Variants in MAP3K4 observed in about 807,000 individuals in gnomAD.
The protein encoded by MAP3K4 is mitogen-activated protein kinase kinase kinase 4.
In MAP3K4, 67 loss-of-function variants were observed where a neutral mutation model predicts 185.6. That is an observed-to-expected ratio of 0.36 (90% CI 0.30 to 0.44). The LOEUF (loss-of-function observed/expected upper bound fraction) is 0.44, where lower values mean the gene tolerates loss of function less well. Among genes scored for constraint, MAP3K4 ranks in the 20% least tolerant of loss-of-function variants. MAP3K4 has a pLI of 1.00. For missense variants in MAP3K4, 1,551 were observed against 1,995.1 expected, an observed-to-expected ratio of 0.78 and a Z score of 4.24; for synonymous variants, 702 against 710.4, an observed-to-expected ratio of 0.99 and a Z score of 0.19.
chr6:161,102,554 T>G (rs1777882481), intron 18 of MAP3K4, 145 bp from the exon 19 acceptor site: 2 of 557,530 alleles, frequency 3.6e-6, no homozygotes, highest in South Asian at 5.8e-5. Context: ...AAAGATAGTT[T>G]CTCACACCTA....
chr6:161,006,159 T>C (rs1005681662), intron 1 of MAP3K4, among the ~76,000 whole-genome samples: 8 of 152,222 alleles, frequency 5.3e-5, no homozygotes, highest in African/African-American at 1.9e-4. Flanking sequence ...TTGTGTGAAT[T>C]TGAATTCTGA....
chr6:161,089,981 C>T (rs773971527), intron 11 of MAP3K4, among the ~76,000 whole-genome samples: 1 of 152,138 alleles, frequency 6.6e-6, no homozygotes, highest in South Asian at 2.1e-4. Context: ...CCATTATTTC[C>T]TGTTTTTGAC....
At position 161,086,349 on chromosome 6, in the gene MAP3K4, G is replaced by A. The variant is rs753623186; in HGVS notation, c.2373-30G>A. ...GCACCTCTGGAATATTCCCTAATGT[G>A]TTCTAACTGGACTTGAATCCACTTG... On this transcript the variant is annotated intron_variant, in intron 7 of 26. Transcript: ENST00000392142. The surrounding 1 kb of genome is among the most constrained non-coding windows in gnomAD (Gnocchi z 4.8). The A allele has an allele frequency of 1.5e-6, 2 of 1,356,776 alleles. No homozygotes were observed. Among genetic ancestry groups the A allele is most frequent in the South Asian group, 1.2e-5 (1 of 82,832 alleles). 84.0% of individuals were successfully genotyped at this position (1,356,776 alleles called of 1,614,324 possible).
In MAP3K4 at chr6:161,048,980, C is replaced by T. The variant is rs1783876444; in HGVS notation, c.708C>T (p.Thr236=). The T allele has an allele frequency of 1.2e-6, 2 of 1,613,958 alleles. No individual in the cohort carries two copies. Among genetic ancestry groups the T allele is most frequent in the South Asian group, 1.1e-5 (1 of 91,076 alleles). The part of the protein sequence containing the change: ...FETLRLLLKL[T]SVSKKKDREQ... ...CTTTACGACTTTTGCTAAAGCTTACCTCAGTCTCAAAGAAAAAAGACAGGG... is the reference window on the plus strand; with the variant it reads ...CTTTACGACTTTTGCTAAAGCTTACTTCAGTCTCAAAGAAAAAAGACAGGG... The change falls in exon 3 of 27, where the codon ACC becomes ACT. Residue 236 remains threonine, a synonymous_variant. Transcript: ENST00000392142. This position sits in a 1 kb window ranked among gnomAD's most constrained non-coding sequence, Gnocchi z 4.7.
intron 1 of MAP3K4, among the ~76,000 whole-genome samples, chr6:161,023,303 A>G (rs983530700): frequency 6.6e-6 from 1 of 152,256 alleles, no homozygotes; most frequent in African/African-American, 2.4e-5. Context: ...ATAGAAAATA[A>G]TTGTAACAAT....
chr6:161,061,100 G>A lies in MAP3K4; in HGVS notation c.1708-9508G>A, dbSNP rs1327046442. Among the ~76,000 whole-genome samples, 1 of 152,156 alleles carries A rather than the reference G, an allele frequency of 6.6e-6. No homozygotes were observed. Among genetic ancestry groups the A allele is most frequent in the Non-Finnish European group, 1.5e-5 (1 of 68,034 alleles). On this transcript the variant is annotated intron_variant, in intron 3 of 26. Coordinates refer to ENST00000392142, the MANE Select transcript of MAP3K4 (RefSeq NM_005922.4). This position sits in a 1 kb window ranked among gnomAD's most constrained non-coding sequence, Gnocchi z 4.2. Reference sequence around the variant, plus strand: ...ACAAAATGCATCACATGTCCTTTCTGATAGTTCTGATTCAAATTCAGGATT... The same window carrying A: ...ACAAAATGCATCACATGTCCTTTCTAATAGTTCTGATTCAAATTCAGGATT...
intron 1 of MAP3K4, among the ~76,000 whole-genome samples, chr6:161,003,433 T>G (rs570335169): frequency 6.6e-6 from 1 of 152,350 alleles, no homozygotes; most frequent in African/African-American, 2.4e-5. Flanking sequence ...CCACTTGATC[T>G]TTAGTTAGCA....
intron 1 of MAP3K4, among the ~76,000 whole-genome samples, chr6:160,992,875 G>A (rs986727397): frequency 2.7e-5 from 4 of 150,864 alleles, no homozygotes; most frequent in African/African-American, 9.8e-5. Flanking sequence ...CTCTTTTTAC[G>A]TGCCTATGTT....
At chr6:161,085,147 A>C (rs1481602732) in intron 7 of MAP3K4, among the ~76,000 whole-genome samples, 1 of 4,976 alleles carries the variant, frequency 2.0e-4, no homozygotes, top group Non-Finnish European at 4.5e-4. Context: ...CTCCGTCTCA[A>C]AAAAAAAAAA....
At chr6:161,068,950 G>A (rs374120144) in intron 3 of MAP3K4, among the ~76,000 whole-genome samples, 49 of 152,356 alleles carry the variant, frequency 3.2e-4, no homozygotes, top group African/African-American at 1.1e-3. Context: ...GGGGGTTTAT[G>A]CAAACCTGAC....
rs1778563031 is a variant in MAP3K4, at chr6:161,115,744, A to G, written c.4806+442A>G. On this transcript the variant is annotated intron_variant, in intron 26 of 26. Transcript: ENST00000392142. The surrounding 1 kb of genome is among the most constrained non-coding windows in gnomAD (Gnocchi z 6.0). ...GAGGTACCTTAGTTGTTTAAGAGCCACAGCCAGGTCAGAAGTGGGGGAGGG... is the reference window on the plus strand; with the variant it reads ...GAGGTACCTTAGTTGTTTAAGAGCCGCAGCCAGGTCAGAAGTGGGGGAGGG... Among the ~76,000 whole-genome samples, 1 of 152,180 alleles carries G rather than the reference A, an allele frequency of 6.6e-6. No individual in the cohort carries two copies. Among genetic ancestry groups the G allele is most frequent in the Non-Finnish European group, 1.5e-5 (1 of 68,040 alleles).
chr6:161,100,334 G>A lies in MAP3K4; in HGVS notation c.3675-1558G>A, dbSNP rs1409214819. Reference sequence around the variant, plus strand: ...GTGTGCATCCCTGCCACAGCCATGGGGTGTAGCCCTTGCCCGTCTTACAGA... The same window carrying A: ...GTGTGCATCCCTGCCACAGCCATGGAGTGTAGCCCTTGCCCGTCTTACAGA... On this transcript the variant is annotated intron_variant, in intron 17 of 26. Coordinates refer to ENST00000392142, the MANE Select transcript of MAP3K4 (RefSeq NM_005922.4). This position sits in a 1 kb window ranked among gnomAD's most constrained non-coding sequence, Gnocchi z 5.8. Among the ~76,000 whole-genome samples the A allele has an allele frequency of 6.6e-6, 1 of 152,186 alleles. No individual in the cohort carries two copies. The highest frequency in any genetic ancestry group is 1.5e-5 in the Non-Finnish European group (1 of 68,038).
intron 2 of MAP3K4, among the ~76,000 whole-genome samples, chr6:161,047,298 G>A (rs1445071809): frequency 1.3e-5 from 2 of 151,132 alleles, no homozygotes; most frequent in Non-Finnish European, 2.9e-5. Flanking sequence ...AAATTAGCTG[G>A]GTGTGGTGAT....
rs1419514079 is a variant in MAP3K4, at chr6:161,112,606, C to T, written c.4520-62C>T. 6.2e-6 allele frequency: 6 copies of T among 971,816 alleles called. No individual in the cohort carries two copies. The highest frequency in any genetic ancestry group is 7.2e-6 in the Non-Finnish European group (5 of 694,132). 60.2% of individuals were successfully genotyped at this position (971,816 alleles called of 1,614,324 possible). A position where few individuals can be genotyped will look rare whatever the true frequency, so the allele number is the denominator to read the frequency against. On this transcript the variant is annotated intron_variant, in intron 24 of 26. Transcript: ENST00000392142. The surrounding 1 kb of genome is among the most constrained non-coding windows in gnomAD (Gnocchi z 5.1). ...TACAATATTAATTTATTGCTTGGCT[C>T]TATTAATACATGTTGATGTGTTTAT... is the stretch of plus-strand genomic sequence containing the variant.
intron 2 of MAP3K4, among the ~76,000 whole-genome samples, chr6:161,047,345 C>T (rs937499057): frequency 1.1e-4 from 17 of 150,238 alleles, no homozygotes; most frequent in South Asian, 1.1e-3. Context: ...GAGGCTGAGG[C>T]GGGAGGATCA....
At chr6:160,997,871 A>G (rs1243124430) in intron 1 of MAP3K4, among the ~76,000 whole-genome samples, 1 of 152,068 alleles carries the variant, frequency 6.6e-6, no homozygotes. Flanking sequence ...GAGCTGGGAG[A>G]GAGAAACGCG....
chr6:161,027,971 C>T (rs988796123), intron 1 of MAP3K4, among the ~76,000 whole-genome samples: 3 of 152,228 alleles, frequency 2.0e-5, no homozygotes, highest in Admixed American at 1.3e-4. Context: ...CCTTCATGCA[C>T]TTCTCCACCT....
intron 3 of MAP3K4, among the ~76,000 whole-genome samples, chr6:161,060,445 T>C (rs544117763): frequency 4.6e-5 from 7 of 152,252 alleles, no homozygotes; most frequent in Admixed American, 2.0e-4. Flanking sequence ...AAGTAATTAT[T>C]GTAATTAATG....
intron 2 of MAP3K4, among the ~76,000 whole-genome samples, chr6:161,039,563 A>G (rs577381198): frequency 1.4e-4 from 21 of 152,354 alleles, no homozygotes; most frequent in African/African-American, 4.8e-4. Flanking sequence ...ATGTGTGATT[A>G]GACAATTGAC....
Sources: allele counts gnomAD v4.1 joint callset (sites outside exome capture counted in the v4.1 genomes callset), GRCh38; gene constraint gnomAD v4.1.1; non-coding constraint Gnocchi (gnomAD v3.1); transcripts MANE v1.5; gene names NCBI Gene and HGNC (gene_info 2026-07-23, HGNC 2026-07-21).